The following METTL8 variants were observed in gnomAD, a reference collection of about 807,000 sequenced individuals.
METTL8 encodes the protein tRNA N(3)-cytidine methyltransferase METTL8, mitochondrial.
In METTL8, 32 loss-of-function variants were observed where a neutral mutation model predicts 48.7. That is an observed-to-expected ratio of 0.66 (90% CI 0.50 to 0.88). The LOEUF is 0.88. Ranked by LOEUF, METTL8 falls within the 40% of genes least tolerant of loss-of-function variation. The pLI is 0.00. For missense variants in METTL8, 464 were observed against 474.4 expected (o/e 0.98, Z 0.20); for synonymous variants, 136 against 157.1 (o/e 0.87, Z 1.01).
At chr2:171,362,442 A>C (rs1218431877) in intron 2 of METTL8, among the ~76,000 whole-genome samples, 1 of 152,136 alleles carries the variant, frequency 6.6e-6, no homozygotes, top group Non-Finnish European at 1.5e-5. Context: ...CATTGGGTGG[A>C]ATGATGATAA....
intron 1 of METTL8, among the ~76,000 whole-genome samples, chr2:171,397,965 C>A (rs998303340): frequency 6.6e-6 from 1 of 152,044 alleles, no homozygotes; most frequent in Non-Finnish European, 1.5e-5. Context: ...TTAAAAACAG[C>A]AACAACAACC....
intron 4 of METTL8, among the ~76,000 whole-genome samples, chr2:171,338,290 T>C (rs2105416013): frequency 6.6e-6 from 1 of 152,248 alleles, no homozygotes; most frequent in African/African-American, 2.4e-5. Flanking sequence ...CTGCTTATGA[T>C]GCCATGTTAA....
At chr2:171,352,122 A>C (rs1364033542) in intron 3 of METTL8, among the ~76,000 whole-genome samples, 1 of 152,164 alleles carries the variant, frequency 6.6e-6, no homozygotes, top group Non-Finnish European at 1.5e-5. Context: ...TATTATTTTG[A>C]GATATGTCCC....
intron 4 of METTL8, among the ~76,000 whole-genome samples, chr2:171,338,287 T>G (rs1686326781): frequency 6.6e-6 from 1 of 152,146 alleles, no homozygotes; most frequent in Admixed American, 6.5e-5. Flanking sequence ...AAACTGCTTA[T>G]GATGCCATGT....
intron 5 of METTL8, among the ~76,000 whole-genome samples, chr2:171,335,019 C>T (rs779030854): frequency 1.3e-5 from 2 of 152,184 alleles, no homozygotes; most frequent in Non-Finnish European, 2.9e-5. Flanking sequence ...ACACAATCAA[C>T]TGCCAATGTA....
intron 3 of METTL8, among the ~76,000 whole-genome samples, chr2:171,343,387 T>C (rs887657981): frequency 4.0e-5 from 6 of 151,850 alleles, no homozygotes; most frequent in African/African-American, 7.3e-5. Context: ...TGCGGTGAGC[T>C]GCGATCGTGC....
intron 1 of METTL8, among the ~76,000 whole-genome samples, chr2:171,397,152 A>G (rs1319122662): frequency 6.6e-6 from 1 of 151,870 alleles, no homozygotes; most frequent in East Asian, 1.9e-4. Flanking sequence ...CTAGAAAAAT[A>G]AGAATAAATT....
At chr2:171,333,092 T>A (rs1441958923) in intron 5 of METTL8, among the ~76,000 whole-genome samples, 2 of 131,662 alleles carry the variant, frequency 1.5e-5, no homozygotes, top group Non-Finnish European at 3.4e-5. Flanking sequence ...ACTCTTTTTT[T>A]TTCTTTTCTT....
chr2:171,416,920 G>T lies in METTL8; in HGVS notation c.-13+16963C>A, dbSNP rs189436691. On this transcript the variant is annotated intron_variant, in intron 1 of 9. Transcript: ENST00000375258. ...AGTTGGCATGAATTTTAGCAGAGAG[G>T]TAAAAGACCGGAAATACATGTTTCC... Among the ~76,000 whole-genome samples the T allele has an allele frequency of 2.9e-3, 446 of 152,262 alleles. 3 individuals carry two copies. Among genetic ancestry groups the T allele is most frequent in the Non-Finnish European group, 3.2e-3 (217 of 68,014 alleles).
intron 1 of METTL8, among the ~76,000 whole-genome samples, chr2:171,398,304 A>C (rs1016588431): frequency 3.3e-5 from 5 of 152,206 alleles, no homozygotes; most frequent in Non-Finnish European, 5.9e-5. Context: ...TATATGTACA[A>C]TGGAACATTA....
intron 2 of METTL8, among the ~76,000 whole-genome samples, chr2:171,379,989 C>T (rs1687354135): frequency 6.6e-6 from 1 of 152,082 alleles, no homozygotes; most frequent in Non-Finnish European, 1.5e-5. Context: ...AACATTGATG[C>T]AAAAATCCTC....
chr2:171,339,876 T>C (rs983631333), intron 3 of METTL8, among the ~76,000 whole-genome samples: 1 of 152,186 alleles, frequency 6.6e-6, no homozygotes, highest in Admixed American at 6.5e-5. Flanking sequence ...AATCACATTG[T>C]TACCAATAAG....
At chr2:171,395,120 C>T (rs1280867246) in intron 1 of METTL8, among the ~76,000 whole-genome samples, 1 of 152,184 alleles carries the variant, frequency 6.6e-6, no homozygotes, top group Non-Finnish European at 1.5e-5. Context: ...GACCCAATCC[C>T]TTTATGTACC....
intron 2 of METTL8, among the ~76,000 whole-genome samples, chr2:171,384,153 A>G (rs182446261): frequency 1.5e-4 from 23 of 152,382 alleles, no homozygotes; most frequent in Admixed American, 9.8e-4. Flanking sequence ...TGACCCTCCA[A>G]GACATAAGTG....
chr2:171,369,712 A>C (rs926209040), intron 2 of METTL8, among the ~76,000 whole-genome samples: 1 of 152,196 alleles, frequency 6.6e-6, no homozygotes, highest in African/African-American at 2.4e-5. Flanking sequence ...ATAATTCCTA[A>C]AACAGAATGC....
At chr2:171,375,221 G>C in intron 2 of METTL8, 1 of 1,320,968 alleles carries the variant, frequency 7.6e-7, no homozygotes, top group Non-Finnish European at 1.1e-6. Flanking sequence ...CAGCGAATAG[G>C]ATGCACGTGG....
chr2:171,339,029 C>T (rs1275417441), intron 4 of METTL8, among the ~76,000 whole-genome samples, 155 bp downstream of exon 4: 1 of 151,798 alleles, frequency 6.6e-6, no homozygotes, highest in African/African-American at 2.4e-5. Flanking sequence ...AGACATGAGT[C>T]CCTTAGATAT....
chr2:171,418,104 C>T (rs561408016), intron 1 of METTL8, among the ~76,000 whole-genome samples: 3 of 152,130 alleles, frequency 2.0e-5, no homozygotes, highest in South Asian at 2.1e-4. Flanking sequence ...CCACCATGCC[C>T]GGCTAATTTT....
chr2:171,389,082 T>C (rs1034513227), intron 2 of METTL8, among the ~76,000 whole-genome samples: 3 of 152,202 alleles, frequency 2.0e-5, no homozygotes, highest in Non-Finnish European at 4.4e-5. Context: ...GGAATAGTTA[T>C]ATATATCTCA....
Sources: allele counts gnomAD v4.1 joint callset (sites outside exome capture counted in the v4.1 genomes callset), GRCh38; gene constraint gnomAD v4.1.1; transcripts MANE v1.5; gene names NCBI Gene and HGNC (gene_info 2026-07-23, HGNC 2026-07-21).